Variants in HYOU1 observed in about 807,000 individuals in gnomAD.
HYOU1 encodes the protein hypoxia up-regulated protein 1.
Under a neutral mutation model 120.5 loss-of-function variants are expected in HYOU1, and 40 were observed. That is an observed-to-expected ratio of 0.33 (90% confidence interval 0.26 to 0.43). The LOEUF is 0.43. HYOU1 is among the 20% of genes least tolerant of loss of function. The pLI, the probability that HYOU1 is intolerant of heterozygous loss-of-function variation, is 1.00. For synonymous variants in HYOU1, 501 were observed against 479.4 expected (o/e 1.05, Z -0.59); for missense variants, 1,085 against 1,278.3 (o/e 0.85, Z 2.31).
rs1422677451 is a variant in HYOU1 at position 119,054,254 on chromosome 11, C to T, written c.679-18G>A. 1.9e-6 allele frequency: 3 copies of T among 1,580,878 alleles called. No individual in the cohort carries two copies. Among genetic ancestry groups the T allele is most frequent in the Non-Finnish European group, 2.6e-6 (3 of 1,150,690 alleles). On this transcript the variant is annotated intron_variant, in intron 7 of 25. Transcript: ENST00000617285. ...ATGATATTCTGTAGAGATATCAAGG[C>T]AACTGTCACAGGAACCTTCTCAAAC...
chr11:119,048,918 A>C lies in HYOU1; in HGVS notation c.1993-32T>G, dbSNP rs1565710371. 1 of 1,604,716 alleles carries C rather than the reference A, an allele frequency of 6.2e-7. No homozygotes were observed. Among genetic ancestry groups the C allele is most frequent in the Non-Finnish European group, 8.5e-7 (1 of 1,175,872 alleles). On this transcript the variant is annotated intron_variant, in intron 17 of 25. Transcript: ENST00000617285. This position sits in a 1 kb window ranked among gnomAD's most constrained non-coding sequence, Gnocchi z 4.7. ...GGGAAGAGTCAGGGGTGTCAGGAAA[A>C]GCCTCTGCCCTCCTACATTCTCCAC...
rs2133553335 is a variant in HYOU1, at chr11:119,046,778, C to A, written c.2620G>T (p.Glu874Ter). The change falls in exon 23 of 26, where the codon GAG (glutamate) becomes TAG (stop). Residue 874 changes from glutamate (E) to a stop codon, truncating the protein, a stop_gained. Coordinates refer to ENST00000617285, the MANE Select transcript of HYOU1 (RefSeq NM_006389.5). LOFTEE classifies it high-confidence loss of function. ...TCTGTGGCGGGCAGCTTAGCCTGCT[C>A]GGCCAGAGTTGCATTCTTCCAGGCC... ...TWAWKNATLAEQAKLPATEKP... is the reference protein window; with the variant it reads ...TWAWKNATLA 1 of 1,601,158 alleles carries A rather than the reference C, an allele frequency of 6.2e-7. No homozygotes were observed. The highest frequency in any genetic ancestry group is 8.5e-7 in the Non-Finnish European group (1 of 1,179,950).
At position 119,054,642 on chromosome 11, in the gene HYOU1, G is replaced by C; in HGVS notation, c.530C>G (p.Pro177Arg). 6.2e-7 allele frequency: 1 copy of C among 1,613,568 alleles called. No individual in the cohort carries two copies. The change falls in exon 7 of 26, where the codon CCA (proline) becomes CGA (arginine). Residue 177 changes from proline (P) to arginine (R), a missense_variant. Physicochemically the swap from Pro to Arg is moderately radical, Grantham distance 103 (BLOSUM62 -2). Around this residue, in one of 4 missense-constraint regions of HYOU1, gnomAD observed 515 missense variants for 677.8 expected, o/e 0.76. Coordinates refer to ENST00000617285, the MANE Select transcript of HYOU1 (RefSeq NM_006389.5). ...GCGCTCGGCCTGGTTGAAGAAGACTGGCACGGTGATCACTGCATCCTTGAT... is the reference window on the plus strand; with the variant it reads ...GCGCTCGGCCTGGTTGAAGAAGACTCGCACGGTGATCACTGCATCCTTGAT... Reference protein sequence around the residue: ...QPIKDAVITVPVFFNQAERRA... With the variant: ...QPIKDAVITVRVFFNQAERRA...
At position 119,044,348 on chromosome 11, in the gene HYOU1, T is replaced by C. The variant is rs2134668956; in HGVS notation, c.*1245A>G. 1 of 149,032 alleles carries C rather than the reference T, an allele frequency of 6.7e-6. No individual in the cohort carries two copies. The highest frequency in any genetic ancestry group is 2.1e-4 in the South Asian group (1 of 4,708). 9.2% of individuals were successfully genotyped at this position (149,032 alleles called of 1,614,324 possible). On this transcript the variant is annotated 3_prime_UTR_variant, in exon 26 of 26. Transcript: ENST00000617285. ...AGGGGTGGGACCCTTAGGTCCCATCTCTGCCAATGTGGCAAAAAAAAAAAA... is the reference window on the plus strand; with the variant it reads ...AGGGGTGGGACCCTTAGGTCCCATCCCTGCCAATGTGGCAAAAAAAAAAAA...
Position 119,045,075 on chromosome 11 carries a change from G to A in HYOU1, c.*518C>T, listed in dbSNP as rs1321524449. On this transcript the variant is annotated 3_prime_UTR_variant, in exon 26 of 26. Transcript: ENST00000617285. ...AATGGGGAAGGGAGGCTCAGAGCAA[G>A]AGAAGCCCGCAGAGGGAGGAAAGAG... The A allele has an allele frequency of 2.2e-6, 1 of 449,614 alleles. No homozygotes were observed. The highest frequency in any genetic ancestry group is 2.4e-5 in the Admixed American group (1 of 42,468). 27.9% of individuals were successfully genotyped at this position (449,614 alleles called of 1,614,324 possible). A position where few individuals can be genotyped will look rare whatever the true frequency, so the allele number is the denominator to read the frequency against.
chr11:119,052,549 G>T lies in HYOU1; in HGVS notation c.987+88C>A. 1 of 1,571,356 alleles carries T rather than the reference G, an allele frequency of 6.4e-7. No homozygotes were observed. Among genetic ancestry groups the T allele is most frequent in the Admixed American group, 1.7e-5 (1 of 57,940 alleles). ...TGGTAGCGGGAGGAGCATGGGCCATGCCAGGCACGAGCAGCCCAGTTCAGT... is the reference window on the plus strand; with the variant it reads ...TGGTAGCGGGAGGAGCATGGGCCATTCCAGGCACGAGCAGCCCAGTTCAGT... On this transcript the variant is annotated intron_variant, in intron 9 of 25. Coordinates refer to ENST00000617285, the MANE Select transcript of HYOU1 (RefSeq NM_006389.5). The surrounding 1 kb of genome is among the most constrained non-coding windows in gnomAD (Gnocchi z 5.0).
In HYOU1 at chr11:119,052,688, C is replaced by T. The variant is rs1382518676; in HGVS notation, c.936G>A (p.Glu312=). 2 of 1,614,212 alleles carry T rather than the reference C, an allele frequency of 1.2e-6. No homozygotes were observed. The highest frequency in any genetic ancestry group is 1.7e-4 in the Middle Eastern group (1 of 6,060). The change falls in exon 9 of 26, where the codon GAG becomes GAA. Residue 312 remains glutamate, a synonymous_variant. Transcript: ENST00000617285. The surrounding 1 kb of genome is among the most constrained non-coding windows in gnomAD (Gnocchi z 5.0). ...TGAGGACGGTTTTGAGCCGATTAGC[C>T]TCACGCAGCAGCTTGGCCATGGCAC... ...NPRAMAKLLR[E]ANRLKTVLSA...
Position 119,052,459 on chromosome 11 carries a change from T to G in HYOU1, c.988-30A>C. On this transcript the variant is annotated intron_variant, in intron 9 of 25. Transcript: ENST00000617285. This position sits in a 1 kb window ranked among gnomAD's most constrained non-coding sequence, Gnocchi z 5.0. ...GAGAGGATGGGGACTGTCAGGGGGT[T>G]CTTGCCCAGCTCCCGCTCTCTTGGT... 3 of 1,614,044 alleles carry G rather than the reference T, an allele frequency of 1.9e-6. No individual in the cohort carries two copies. Among genetic ancestry groups the G allele is most frequent in the Non-Finnish European group, 2.5e-6 (3 of 1,180,002 alleles).
chr11:119,049,401 C>T (rs2133572893), intron 16 of HYOU1, 155 bp downstream of exon 16: 15 of 1,568,422 alleles, frequency 9.6e-6, no homozygotes, highest in Non-Finnish European at 8.6e-7. Flanking sequence ...CTTGGGAGCA[C>T]CAGTCAAGAA....
intron 14 of HYOU1, 75 bp from the exon 15 acceptor site, chr11:119,049,912 G>T: frequency 7.6e-7 from 1 of 1,314,478 alleles, no homozygotes; most frequent in Non-Finnish European, 1.1e-6. Context: ...CAAAGTGGGT[G>T]TTTGCTTATG....
chr11:119,049,246 A>G (rs1944267939), intron 16 of HYOU1, 43 bp from the exon 17 acceptor site: 1 of 1,590,686 alleles, frequency 6.3e-7, no homozygotes, highest in African/African-American at 1.3e-5. Flanking sequence ...TCAGGAGCAG[A>G]GCCTCCAGGC....
In HYOU1 at chr11:119,046,745, C is replaced by T. The variant is rs1944101944; in HGVS notation, c.2653G>A (p.Val885Met). 1.2e-6 allele frequency: 2 copies of T among 1,607,370 alleles called. No homozygotes were observed. The highest frequency in any genetic ancestry group is 1.3e-5 in the African/African-American group (1 of 75,068). Reference sequence around the variant, plus strand: ...GCTTCAATGTCTTTTGAGAGCAACACAGGCTTCTCTGTGGCGGGCAGCTTA... The same window carrying T: ...GCTTCAATGTCTTTTGAGAGCAACATAGGCTTCTCTGTGGCGGGCAGCTTA... ...QAKLPATEKP[V>M]LLSKDIEAKM... The change falls in exon 23 of 26, where the codon GTG (valine) becomes ATG (methionine). Residue 885 changes from valine to methionine, a missense_variant. By Grantham distance (21) the Val-to-Met change is conservative. Coordinates refer to ENST00000617285, the MANE Select transcript of HYOU1 (RefSeq NM_006389.5).
intron 8 of HYOU1, 92 bp downstream of exon 8, chr11:119,054,029 T>C (rs1403560279): frequency 9.3e-6 from 7 of 756,208 alleles, no homozygotes; most frequent in East Asian, 5.2e-5. Flanking sequence ...TCCTGCAGCA[T>C]GCAGGAAAGC....
In HYOU1 at chr11:119,052,518, G is replaced by C; in HGVS notation, c.988-89C>G. 6.3e-7 allele frequency: 1 copy of C among 1,594,376 alleles called. No homozygotes were observed. The highest frequency in any genetic ancestry group is 8.6e-7 in the Non-Finnish European group (1 of 1,167,984). On this transcript the variant is annotated intron_variant, in intron 9 of 25. Coordinates refer to ENST00000617285, the MANE Select transcript of HYOU1 (RefSeq NM_006389.5). The surrounding 1 kb of genome is among the most constrained non-coding windows in gnomAD (Gnocchi z 5.0). ...CAGAAACAAAAAGAATAGGTCTTTG[G>C]GAGGATGGTAGCGGGAGGAGCATGG...
At position 119,051,809 on chromosome 11, in the gene HYOU1, G is replaced by C. The variant is rs2133588046; in HGVS notation, c.1338+10C>G. ...GGGAGCTTGTCACCTGCTCAGTCAGGCTCACTCACCAGGATGGGGTAGACC... is the reference window on the plus strand; with the variant it reads ...GGGAGCTTGTCACCTGCTCAGTCAGCCTCACTCACCAGGATGGGGTAGACC... On this transcript the variant is annotated intron_variant, in intron 12 of 25. Transcript: ENST00000617285. This position sits in a 1 kb window ranked among gnomAD's most constrained non-coding sequence, Gnocchi z 4.2. 6.2e-7 allele frequency: 1 copy of C among 1,613,960 alleles called. No individual in the cohort carries two copies. The highest frequency in any genetic ancestry group is 1.7e-5 in the Admixed American group (1 of 60,012).
intron 22 of HYOU1, 48 bp from the exon 23 acceptor site, chr11:119,046,850 G>C (rs1373930321): frequency 1.9e-6 from 3 of 1,584,690 alleles, no homozygotes; most frequent in Non-Finnish European, 2.6e-6. Context: ...GGAGAGAGCA[G>C]ACATCTCTGT....
rs1944714585 is a variant in HYOU1, at chr11:119,055,683, C to T, written c.185+67G>A. On this transcript the variant is annotated intron_variant, in intron 3 of 25. Coordinates refer to ENST00000617285, the MANE Select transcript of HYOU1 (RefSeq NM_006389.5). The surrounding 1 kb of genome is among the most constrained non-coding windows in gnomAD (Gnocchi z 4.0). The stretch of plus-strand genomic sequence containing the variant: ...CCGAAGTCTGCTGTGGGCACTATGA[C>T]TAACACATTCACACTTGGAGCCCAG... The T allele has an allele frequency of 1.3e-6, 2 of 1,504,732 alleles. No homozygotes were observed. Among genetic ancestry groups the T allele is most frequent in the Non-Finnish European group, 1.9e-6 (2 of 1,080,318 alleles). The allele number at this position is 1,504,732 out of a possible 1,614,324, so 93.2% of individuals were successfully genotyped here.
rs2133605269 is a variant in HYOU1, at chr11:119,054,499, C to T, written c.673G>A (p.Ala225Thr). 6.2e-7 allele frequency: 1 copy of T among 1,614,102 alleles called. No homozygotes were observed. Among genetic ancestry groups the T allele is most frequent in the South Asian group, 1.1e-5 (1 of 91,072 alleles). Residue 225 changes from alanine (A) to threonine (T), a missense_variant, in exon 7 of 26, where the codon GCC (alanine) becomes ACC (threonine). Ala to Thr is a moderately conservative substitution (Grantham distance 58). This residue lies in a region of HYOU1 where 515 missense variants were observed against 677.8 expected (regional missense o/e 0.76). Transcript: ENST00000617285. Reference protein sequence around the residue: ...VFRRKDINTTAQNIMFYDMGS... With the variant: ...VFRRKDINTTTQNIMFYDMGS... Reference sequence around the variant, plus strand: ...TCAAGGCTCCCCTGGCTCACCTGGGCAGTGGTGTTAATATCTTTCCGGCGG... The same window carrying T: ...TCAAGGCTCCCCTGGCTCACCTGGGTAGTGGTGTTAATATCTTTCCGGCGG...
intron 16 of HYOU1, 83 bp downstream of exon 16, chr11:119,049,473 C>T: frequency 6.5e-7 from 1 of 1,548,608 alleles, no homozygotes; most frequent in Non-Finnish European, 8.9e-7. Context: ...GCAGGGGTGG[C>T]CTACCCTCAC....
Sources: allele counts gnomAD v4.1 joint callset, GRCh38; gene constraint gnomAD v4.1.1; regional missense constraint gnomAD v4.1.1; non-coding constraint Gnocchi (gnomAD v3.1); transcripts MANE v1.5; gene names NCBI Gene and HGNC (gene_info 2026-07-23, HGNC 2026-07-21).